Variants in LRP1B observed in about 807,000 individuals in gnomAD.
The protein encoded by LRP1B is low-density lipoprotein receptor-related protein 1B.
LRP1B carries 217 observed loss-of-function variants against 556.6 expected under a neutral mutation model. The ratio of observed to expected loss-of-function variants is 0.39; its 90% confidence interval spans 0.35 to 0.44. LRP1B has a LOEUF of 0.44. Among genes scored for constraint, LRP1B ranks in the 20% least tolerant of loss-of-function variants. The pLI, the probability that LRP1B is intolerant of heterozygous loss-of-function variation, is 1.00. For synonymous variants in LRP1B, 2,047 were observed against 1,865.8 expected (o/e 1.10, Z -2.50); for missense variants, 5,053 against 5,620.8 (o/e 0.90, Z 3.23).
At position 141,517,029 on chromosome 2, in the gene LRP1B, A is replaced by AAAAAAAAAAAAAC. The variant is rs772472942; in HGVS notation, c.206-36497_206-36496insGTTTTTTTTTTTT. ...TAAAAAAAAAAAAAAAAAAAAAAAA[A>AAAAAAAAAAAAAC]AAAGTAAATCAATGAAATAATTTAA... On this transcript the variant is annotated intron_variant, in intron 2 of 90. Transcript: ENST00000389484. Among the ~76,000 whole-genome samples the AAAAAAAAAAAAAC allele has an allele frequency of 2.2e-3, 200 of 90,172 alleles. 26 individuals carry two copies. The highest frequency in any genetic ancestry group is 0.012 in the South Asian group (27 of 2,334). 59.2% of individuals were successfully genotyped at this position (90,172 alleles called of 152,430 possible).
chr2:142,128,365 A>G (rs750655665), intron 1 of LRP1B, among the ~76,000 whole-genome samples: 1 of 152,232 alleles, frequency 6.6e-6, no homozygotes, highest in Non-Finnish European at 1.5e-5. Flanking sequence ...ACGCATCTGT[A>G]TAATTCACAT....
intron 1 of LRP1B, among the ~76,000 whole-genome samples, chr2:142,080,379 T>C (rs1212832001): frequency 2.0e-5 from 3 of 152,218 alleles, no homozygotes; most frequent in African/African-American, 4.8e-5. Context: ...CTTAGGGTCA[T>C]GGTTTTCTGT....
intron 27 of LRP1B, among the ~76,000 whole-genome samples, chr2:140,865,434 T>C (rs1203917817): frequency 4.6e-5 from 7 of 152,040 alleles, no homozygotes; most frequent in Non-Finnish European, 2.9e-5. Context: ...TATTATTGTA[T>C]TTGTGTTAAT....
intron 43 of LRP1B, among the ~76,000 whole-genome samples, chr2:140,576,748 G>A (rs376107182): frequency 1.3e-5 from 2 of 151,928 alleles, no homozygotes; most frequent in African/African-American, 2.4e-5. Flanking sequence ...CTACACCTGC[G>A]GGGACTAACT....
At chr2:141,476,013 A>G (rs564263112) in intron 3 of LRP1B, among the ~76,000 whole-genome samples, 35 of 152,308 alleles carry the variant, frequency 2.3e-4, no homozygotes, top group African/African-American at 8.2e-4. Context: ...TGGCAGAGCT[A>G]AAAGAGCACT....
intron 2 of LRP1B, among the ~76,000 whole-genome samples, chr2:141,665,233 A>G (rs948771477): frequency 6.6e-6 from 1 of 152,214 alleles, no homozygotes; most frequent in Admixed American, 6.5e-5. Flanking sequence ...AAGCAAATTC[A>G]TAAGAAAAAA....
At chr2:140,714,013 T>G (rs944906578) in intron 37 of LRP1B, among the ~76,000 whole-genome samples, 1 of 152,148 alleles carries the variant, frequency 6.6e-6, no homozygotes, top group Non-Finnish European at 1.5e-5. Flanking sequence ...GCTTTAAATT[T>G]GAGTTTGATC....
At chr2:140,422,943 A>G (rs1243713197) in intron 66 of LRP1B, among the ~76,000 whole-genome samples, 1 of 152,210 alleles carries the variant, frequency 6.6e-6, no homozygotes, top group African/African-American at 2.4e-5. Context: ...ATTCAGCAAG[A>G]TGGTTAGTGA....
At chr2:141,026,514 G>A (rs1316033391) in intron 11 of LRP1B, among the ~76,000 whole-genome samples, 1 of 151,986 alleles carries the variant, frequency 6.6e-6, no homozygotes, top group African/African-American at 2.4e-5. Context: ...CAATTACCAT[G>A]GCATAGAACA....
intron 3 of LRP1B, among the ~76,000 whole-genome samples, chr2:141,431,316 G>A (rs1237830075): frequency 6.6e-6 from 1 of 152,018 alleles, no homozygotes; most frequent in African/African-American, 2.4e-5. Context: ...ATTCTGAGAT[G>A]TAATAGGCTA....
chr2:141,190,917 C>G (rs1317943539), intron 6 of LRP1B, among the ~76,000 whole-genome samples: 1 of 151,906 alleles, frequency 6.6e-6, no homozygotes, highest in Non-Finnish European at 1.5e-5. Flanking sequence ...GTCATAGAAA[C>G]AGCAAATACT....
intron 72 of LRP1B, among the ~76,000 whole-genome samples, chr2:140,362,908 TC>T (rs1233966099): frequency 3.3e-5 from 5 of 151,624 alleles, no homozygotes; most frequent in African/African-American, 1.2e-4. Context: ...CGTGTTCACT[TC>T]TTTCATCATT....
intron 1 of LRP1B, among the ~76,000 whole-genome samples, chr2:141,889,884 T>C (rs1699230902): frequency 6.6e-6 from 1 of 152,072 alleles, no homozygotes; most frequent in Admixed American, 6.6e-5. Flanking sequence ...TTGTAGCAGA[T>C]TTCTTTGTTT....
rs111370918 is a variant in LRP1B at position 141,055,944 on chromosome 2, T to A, written c.1409-685A>T. Among the ~76,000 whole-genome samples, 98 of 151,024 alleles carry A rather than the reference T, an allele frequency of 6.5e-4. 2 individuals are homozygous for A. Among genetic ancestry groups the A allele is most frequent in the African/African-American group, 2.3e-3 (95 of 41,128 alleles). On this transcript the variant is annotated intron_variant, in intron 9 of 90. Transcript: ENST00000389484. Reference sequence around the variant, plus strand: ...GAAAAAAGGTAAGAAAAGTACTATATGGAGAGGATGAGAAAAGAAAGATGG... The same window carrying A: ...GAAAAAAGGTAAGAAAAGTACTATAAGGAGAGGATGAGAAAAGAAAGATGG...
intron 1 of LRP1B, among the ~76,000 whole-genome samples, chr2:142,124,529 T>C (rs1707570077): frequency 6.6e-6 from 1 of 151,918 alleles, no homozygotes; most frequent in Non-Finnish European, 1.5e-5. Flanking sequence ...GGAATATATT[T>C]AAGTTTTTTT....
chr2:141,098,916 C>G (rs1700391470), intron 7 of LRP1B, among the ~76,000 whole-genome samples: 1 of 152,162 alleles, frequency 6.6e-6, no homozygotes, highest in Non-Finnish European at 1.5e-5. Context: ...CTCAGCCTCT[C>G]AAAGTGCTCG....
chr2:140,591,420 C>A (rs1208004215), intron 43 of LRP1B, among the ~76,000 whole-genome samples: 3 of 152,242 alleles, frequency 2.0e-5, no homozygotes, highest in Non-Finnish European at 4.4e-5. Context: ...ACAGACCCAA[C>A]ATCCCATGTA....
At chr2:140,717,823 C>A (rs992948510) in intron 35 of LRP1B, among the ~76,000 whole-genome samples, 13 of 152,148 alleles carry the variant, frequency 8.5e-5, no homozygotes, top group African/African-American at 2.9e-4. Context: ...GGTTCTGTTT[C>A]AAATGAAATA....
intron 41 of LRP1B, among the ~76,000 whole-genome samples, chr2:140,651,242 T>C (rs961755522): frequency 6.6e-6 from 1 of 150,538 alleles, no homozygotes; most frequent in East Asian, 2.0e-4. Flanking sequence ...CTCAGTAAAC[T>C]ATCGCAAGAA....
Sources: gnomAD v4.1 joint callset for allele counts (sites outside exome capture counted in the v4.1 genomes callset) on GRCh38, gnomAD v4.1.1 for gene constraint, MANE v1.5 for transcripts, NCBI Gene and HGNC (gene_info 2026-07-23, HGNC 2026-07-21) for gene names.